ATP11A: variants seen among roughly 807,000 people sequenced by gnomAD.
ATP11A encodes ATPase phospholipid transporting 11A.
In ATP11A, 81 loss-of-function variants were observed where a neutral mutation model predicts 154.4. That is an observed-to-expected ratio of 0.52 (90% confidence interval 0.44 to 0.63). ATP11A has a LOEUF of 0.63. Ranked by LOEUF, ATP11A falls within the 30% of genes least tolerant of loss-of-function variation. The pLI is 0.00. For missense variants in ATP11A, 1,316 were observed against 1,474.3 expected (o/e 0.89, Z 1.76); for synonymous variants, 623 against 585.9 (o/e 1.06, Z -0.91).
At chr13:112,831,924 CACACACAG>C (rs1362411666) in intron 13 of ATP11A, among the ~76,000 whole-genome samples, 2 of 144,670 alleles carry the variant, frequency 1.4e-5, no homozygotes, top group Admixed American at 6.8e-5. Context: ...ACACTGTGTG[CACACACAG>C]ACACACATGC....
intron 1 of ATP11A, among the ~76,000 whole-genome samples, chr13:112,769,759 A>T (rs1282457676): frequency 6.6e-6 from 1 of 152,166 alleles, no homozygotes; most frequent in Admixed American, 6.5e-5. Flanking sequence ...TGTGGTGAAG[A>T]GGAGTCTCTG....
At chr13:112,847,680 C>T (rs2079647522) in intron 17 of ATP11A, among the ~76,000 whole-genome samples, 1 of 152,206 alleles carries the variant, frequency 6.6e-6, no homozygotes, top group African/African-American at 2.4e-5. Flanking sequence ...GCTTTGAAAC[C>T]AGGATATGTG....
At chr13:112,794,684 A>G (rs544372866) in intron 2 of ATP11A, among the ~76,000 whole-genome samples, 1 of 152,122 alleles carries the variant, frequency 6.6e-6, no homozygotes, top group South Asian at 2.1e-4. Flanking sequence ...CCTGGCCAAC[A>G]TGGTGAAATC....
At chr13:112,691,387 C>A (rs1441965014) in intron 1 of ATP11A, among the ~76,000 whole-genome samples, 5 of 151,044 alleles carry the variant, frequency 3.3e-5, no homozygotes, top group African/African-American at 1.2e-4. Context: ...TCGCTTGAAC[C>A]CGGGAGGCGG....
chr13:112,803,688 C>T (rs1055746928), intron 2 of ATP11A, among the ~76,000 whole-genome samples: 2 of 149,152 alleles, frequency 1.3e-5, no homozygotes, highest in Non-Finnish European at 3.0e-5. Context: ...TCCCTCCTTC[C>T]CCTCCCTCCC....
chr13:112,862,634 C>T, intron 25 of ATP11A, 59 bp downstream of exon 25: 1 of 1,607,144 alleles, frequency 6.2e-7, no homozygotes, highest in African/African-American at 1.3e-5. Flanking sequence ...CTCCCAAGCC[C>T]ATATGATGAT....
chr13:112,722,164 A>C, intron 1 of ATP11A, among the ~76,000 whole-genome samples: 1 of 152,066 alleles, frequency 6.6e-6, no homozygotes, highest in East Asian at 1.9e-4. Flanking sequence ...ACAGGTGCCA[A>C]AGTGGTCGGG....
At chr13:112,728,421 A>G (rs760413914) in intron 1 of ATP11A, among the ~76,000 whole-genome samples, 18 of 146,306 alleles carry the variant, frequency 1.2e-4, no homozygotes, top group Non-Finnish European at 2.5e-4. Context: ...TGTTACCTGT[A>G]TGTACCACGT....
chr13:112,824,704 A>G (rs573281582), intron 10 of ATP11A, among the ~76,000 whole-genome samples: 2 of 152,334 alleles, frequency 1.3e-5, no homozygotes, highest in African/African-American at 4.8e-5. Flanking sequence ...TCAGTATCCA[A>G]CAGCTCCTCT....
intron 1 of ATP11A, chr13:112,745,877 C>G (rs1457993243): frequency 6.6e-6 from 1 of 152,226 alleles, no homozygotes; most frequent in Non-Finnish European, 1.5e-5. Flanking sequence ...TCCAGAAATT[C>G]TCCGTCTTGC....
intron 13 of ATP11A, among the ~76,000 whole-genome samples, chr13:112,831,872 GCA>G (rs1006042914): frequency 4.0e-5 from 6 of 151,368 alleles, no homozygotes; most frequent in East Asian, 1.9e-4. Flanking sequence ...GATACTGTGT[GCA>G]CACACACACA....
At chr13:112,691,778 C>G (rs1037014363) in intron 1 of ATP11A, among the ~76,000 whole-genome samples, 1 of 151,974 alleles carries the variant, frequency 6.6e-6, no homozygotes, top group Non-Finnish European at 1.5e-5. Flanking sequence ...GTGGGGGATG[C>G]CAGATCAATG....
intron 26 of ATP11A, among the ~76,000 whole-genome samples, chr13:112,873,190 G>A (rs9549314): frequency 1.0e-5 from 1 of 98,010 alleles, no homozygotes; most frequent in Non-Finnish European, 2.2e-5. Context: ...TTCCTGAGCG[G>A]TGTGAGGTGT....
chr13:112,798,345 C>T (rs1047010690), intron 2 of ATP11A, among the ~76,000 whole-genome samples: 3 of 152,204 alleles, frequency 2.0e-5, no homozygotes, highest in African/African-American at 7.2e-5. Context: ...GTTGCCCAGA[C>T]GGGTTTAGAA....
intron 2 of ATP11A, among the ~76,000 whole-genome samples, chr13:112,802,644 C>G (rs2078171021): frequency 6.6e-6 from 1 of 151,016 alleles, no homozygotes; most frequent in Non-Finnish European, 1.5e-5. Flanking sequence ...AGTCATAGAC[C>G]TAAATGTAAA....
At chr13:112,743,861 C>A (rs1401731312) in intron 1 of ATP11A, among the ~76,000 whole-genome samples, 5 of 152,188 alleles carry the variant, frequency 3.3e-5, no homozygotes, top group African/African-American at 1.2e-4. Flanking sequence ...CCAGAGGCTT[C>A]ATTTTGAATT....
At chr13:112,812,785 T>A (rs2078537626) in intron 5 of ATP11A, among the ~76,000 whole-genome samples, 1 of 152,234 alleles carries the variant, frequency 6.6e-6, no homozygotes, top group East Asian at 1.9e-4. Flanking sequence ...TGAGTTCAGA[T>A]GAGTGATGTT....
intron 1 of ATP11A, among the ~76,000 whole-genome samples, chr13:112,737,203 T>G (rs1891081255): frequency 6.6e-6 from 1 of 152,102 alleles, no homozygotes; most frequent in South Asian, 2.1e-4. Flanking sequence ...TGGGCACTCC[T>G]GGGGGATGGA....
chr13:112,753,181 C>T lies in ATP11A; in HGVS notation c.40-31954C>T, dbSNP rs142520230. ...TTGTACCTGCGTGTTATGTGGATGG[C>T]GTGCATGTGTCTGCACAGCTGCGTG... On this transcript the variant is annotated intron_variant, in intron 1 of 29. Transcript: ENST00000375645. The surrounding 1 kb of genome is among the most constrained non-coding windows in gnomAD (Gnocchi z 4.1). 2.6e-4 allele frequency among the ~76,000 whole-genome samples: 39 copies of T among 152,258 alleles called. No individual in the cohort carries two copies. In the East Asian group the frequency reaches 6.8e-3, roughly 26 times the overall value.
Sources: allele counts gnomAD v4.1 joint callset (sites outside exome capture counted in the v4.1 genomes callset), GRCh38; gene constraint gnomAD v4.1.1; non-coding constraint Gnocchi (gnomAD v3.1); transcripts MANE v1.5; gene names NCBI Gene and HGNC (gene_info 2026-07-23, HGNC 2026-07-21).